SDK1: variants seen among roughly 807,000 people sequenced by gnomAD.
SDK1 encodes sidekick cell adhesion molecule 1.
Under a neutral mutation model 245.5 loss-of-function variants are expected in SDK1, and 157 were observed. The ratio of observed to expected loss-of-function variants is 0.64; its 90% CI spans 0.56 to 0.73. The LOEUF (loss-of-function observed/expected upper bound fraction) is 0.73, where lower values mean the gene tolerates loss of function less well. Among genes scored for constraint, SDK1 ranks in the 30% least tolerant of loss-of-function variants. The pLI, the probability that SDK1 is intolerant of heterozygous loss-of-function variation, is 0.00. For synonymous variants in SDK1, 1,647 were observed against 1,278.5 expected, an observed-to-expected ratio of 1.29 and a Z score of -6.15; for missense variants, 3,583 against 3,002.3, an observed-to-expected ratio of 1.19 and a Z score of -4.52.
chr7:3,770,109 G>A (rs1439796799), intron 4 of SDK1, among the ~76,000 whole-genome samples: 1 of 152,008 alleles, frequency 6.6e-6, no homozygotes, highest in Non-Finnish European at 1.5e-5. Flanking sequence ...TTTATAAAAG[G>A]GCAACAGAAG....
At chr7:3,506,133 G>T (rs1035165725) in intron 1 of SDK1, among the ~76,000 whole-genome samples, 12 of 151,786 alleles carry the variant, frequency 7.9e-5, no homozygotes, top group Admixed American at 5.9e-4. Flanking sequence ...TTTGCCAAAA[G>T]AACTTCTTGT....
chr7:3,893,712 C>T (rs1413862170), intron 5 of SDK1, among the ~76,000 whole-genome samples: 1 of 151,344 alleles, frequency 6.6e-6, no homozygotes, highest in African/African-American at 2.4e-5. Flanking sequence ...TTCTAGATGT[C>T]TCCACAGACA....
rs138755718 is a variant in SDK1 at position 3,446,380 on chromosome 7, T to C, written c.298+144496T>C. Among the ~76,000 whole-genome samples, 20 of 152,248 alleles carry C rather than the reference T, an allele frequency of 1.3e-4. No homozygotes were observed. In the East Asian group the frequency reaches 3.9e-3, roughly 29 times the overall value. The stretch of plus-strand genomic sequence containing the variant: ...CCAAGGCTTGTGTGCATCTAAAATT[T>C]TTGCACTTTATCATACAATTGCGGA... On this transcript the variant is annotated intron_variant, in intron 1 of 44. Coordinates refer to ENST00000404826, the MANE Select transcript of SDK1 (RefSeq NM_152744.4).
At chr7:3,779,531 C>T (rs905389497) in intron 4 of SDK1, among the ~76,000 whole-genome samples, 1 of 151,742 alleles carries the variant, frequency 6.6e-6, no homozygotes, top group Non-Finnish European at 1.5e-5. Flanking sequence ...ATTGGAAAAC[C>T]GTTTTCATAT....
chr7:4,063,263 A>G (rs1405449809), intron 19 of SDK1, among the ~76,000 whole-genome samples: 1 of 152,244 alleles, frequency 6.6e-6, no homozygotes, highest in African/African-American at 2.4e-5. Context: ...TGCAGGATAC[A>G]ATAGCAACAC....
At chr7:3,665,540 G>C (rs930969626) in intron 4 of SDK1, among the ~76,000 whole-genome samples, 6 of 152,124 alleles carry the variant, frequency 3.9e-5, no homozygotes, top group African/African-American at 1.4e-4. Flanking sequence ...GTATTTGTTT[G>C]GTTGAATGAA....
At chr7:3,470,115 G>A (rs938768279) in intron 1 of SDK1, among the ~76,000 whole-genome samples, 3 of 152,106 alleles carry the variant, frequency 2.0e-5, no homozygotes, top group Non-Finnish European at 4.4e-5. Flanking sequence ...CAGCCTTTTT[G>A]GGGCTTAGCA....
chr7:3,731,889 T>A (rs1779189211), intron 4 of SDK1, among the ~76,000 whole-genome samples: 1 of 152,018 alleles, frequency 6.6e-6, no homozygotes, highest in South Asian at 2.1e-4. Flanking sequence ...CTTCCCAGGT[T>A]CAAGCGATTA....
chr7:4,163,224 G>C (rs1258093688), intron 32 of SDK1, among the ~76,000 whole-genome samples: 2 of 152,154 alleles, frequency 1.3e-5, no homozygotes, highest in Non-Finnish European at 2.9e-5. Flanking sequence ...GTCAGCCTGG[G>C]AGTGCCTGCT....
At chr7:3,887,023 T>C (rs575333151) in intron 5 of SDK1, among the ~76,000 whole-genome samples, 1 of 152,310 alleles carries the variant, frequency 6.6e-6, no homozygotes, top group East Asian at 1.9e-4. Flanking sequence ...TTTTTTTGAA[T>C]GATATATTTT....
intron 38 of SDK1, among the ~76,000 whole-genome samples, chr7:4,213,767 C>A (rs528102643): frequency 6.6e-6 from 1 of 152,162 alleles, no homozygotes; most frequent in African/African-American, 2.4e-5. Context: ...GACACAAGAC[C>A]CTGCACATCT....
chr7:3,361,287 A>C (rs1780945103), intron 1 of SDK1, among the ~76,000 whole-genome samples: 1 of 152,178 alleles, frequency 6.6e-6, no homozygotes, highest in Non-Finnish European at 1.5e-5. Flanking sequence ...TTAAAACCCG[A>C]ATTGAAATTA....
intron 22 of SDK1, among the ~76,000 whole-genome samples, chr7:4,100,361 G>A (rs1006703224): frequency 2.0e-5 from 3 of 152,182 alleles, no homozygotes; most frequent in Non-Finnish European, 2.9e-5. Context: ...GGGGTTGAGC[G>A]GGAAGGCTGT....
At chr7:3,407,221 G>T (rs1583812849) in intron 1 of SDK1, among the ~76,000 whole-genome samples, 1 of 152,182 alleles carries the variant, frequency 6.6e-6, no homozygotes, top group Non-Finnish European at 1.5e-5. Context: ...CTGGAACTTT[G>T]CGTGAAAAAT....
chr7:3,501,950 T>A (rs905137763), intron 1 of SDK1, among the ~76,000 whole-genome samples: 1 of 152,214 alleles, frequency 6.6e-6, no homozygotes, highest in African/African-American at 2.4e-5. Context: ...AGACCAAAGG[T>A]GTTTATTCTT....
rs371081530 is a variant in SDK1 at position 4,017,226 on chromosome 7, G to T, written c.2476G>T (p.Glu826Ter). The part of the protein sequence containing the change: ...EYQQRNITSP[E>*]VNYCLVTDLI... ...CCAGCAGCGGAACATCACCAGCCCG[G>T]AGGTGAACTACTGCCTGGTGACAGA... Residue 826 changes from glutamate (E) to a stop codon, truncating the protein, a stop_gained, in exon 17 of 45, where the codon GAG becomes TAG. Coordinates refer to ENST00000404826, the MANE Select transcript of SDK1 (RefSeq NM_152744.4). LOFTEE classifies it high-confidence loss of function. 6.2e-7 allele frequency: 1 copy of T among 1,614,096 alleles called. No homozygotes were observed. Among genetic ancestry groups the T allele is most frequent in the Non-Finnish European group, 8.5e-7 (1 of 1,179,996 alleles).
chr7:3,861,740 G>C (rs896163090), intron 5 of SDK1, among the ~76,000 whole-genome samples: 2 of 152,052 alleles, frequency 1.3e-5, no homozygotes, highest in African/African-American at 4.8e-5. Context: ...GCTTTAATCA[G>C]CAAAGTAGCA....
intron 1 of SDK1, among the ~76,000 whole-genome samples, chr7:3,393,015 G>C (rs1217960913): frequency 8.8e-6 from 1 of 114,126 alleles, no homozygotes; most frequent in Non-Finnish European, 1.7e-5. Context: ...TTGTTCCCCA[G>C]GCTGTAGTAC....
intron 1 of SDK1, among the ~76,000 whole-genome samples, chr7:3,515,182 G>A (rs1480501024): frequency 6.6e-6 from 1 of 152,164 alleles, no homozygotes. Flanking sequence ...GCAACCTTCT[G>A]AAGAAGAGCA....
Sources: gnomAD v4.1 joint callset for allele counts (sites outside exome capture counted in the v4.1 genomes callset) on GRCh38, gnomAD v4.1.1 for gene constraint, MANE v1.5 for transcripts, NCBI Gene and HGNC (gene_info 2026-07-23, HGNC 2026-07-21) for gene names.